Variants in FMNL2 observed in about 807,000 individuals in gnomAD.
FMNL2 encodes formin like 2.
Under a neutral mutation model 130.2 loss-of-function variants are expected in FMNL2, and 51 were observed. The observed-to-expected ratio is 0.39, with a 90% CI of 0.31 to 0.49. The LOEUF is 0.49. Among genes scored for constraint, FMNL2 ranks in the 20% least tolerant of loss-of-function variants. The pLI is 0.85. For missense variants in FMNL2, 977 were observed against 1,316.2 expected (o/e 0.74, Z 3.99); for synonymous variants, 465 against 467.1 (o/e 1.00, Z 0.06).
chr2:152,536,758 T>C (rs1694014357), intron 2 of FMNL2, among the ~76,000 whole-genome samples: 1 of 152,186 alleles, frequency 6.6e-6, no homozygotes, highest in Non-Finnish European at 1.5e-5. Context: ...CTGAGATTTC[T>C]ATTTTCAGAT....
In FMNL2 at chr2:152,595,549, CCT is replaced by C. The variant is rs745488002; in HGVS notation, c.877-11788_877-11787del. Among the ~76,000 whole-genome samples, 7 of 152,136 alleles carry C rather than the reference CCT, an allele frequency of 4.6e-5. 1 individual carries two copies. Among genetic ancestry groups the C allele is most frequent in the Admixed American group, 1.3e-4 (2 of 15,282 alleles). ...GGCCAGGCTGGTCTCGAACTCCTGA[CCT>C]CAAGTGATCTGCCTGCCTTGGCCTC... On this transcript the variant is annotated intron_variant, in intron 9 of 25. Coordinates refer to ENST00000288670, the MANE Select transcript of FMNL2 (RefSeq NM_052905.4).
At chr2:152,484,627 C>T (rs907832492) in intron 1 of FMNL2, among the ~76,000 whole-genome samples, 10 of 151,852 alleles carry the variant, frequency 6.6e-5, no homozygotes, top group African/African-American at 1.7e-4. Context: ...AAAAATTAGC[C>T]GAGCATGGTG....
At chr2:152,419,703 G>A (rs961577328) in intron 1 of FMNL2, among the ~76,000 whole-genome samples, 1 of 152,136 alleles carries the variant, frequency 6.6e-6, no homozygotes, top group Non-Finnish European at 1.5e-5. Flanking sequence ...GAATCCAAAT[G>A]TGGGCTTCAC....
intron 1 of FMNL2, among the ~76,000 whole-genome samples, chr2:152,358,387 C>T (rs1028575336): frequency 3.3e-5 from 5 of 152,126 alleles, no homozygotes; most frequent in African/African-American, 1.2e-4. Context: ...TGGTGGCTCA[C>T]ACCTGTAATC....
At chr2:152,589,975 A>G (rs866023895) in intron 9 of FMNL2, among the ~76,000 whole-genome samples, 1,397 of 40,220 alleles carry the variant, frequency 0.035, 51 homozygotes, top group African/African-American at 0.094. Context: ...ATATATATAT[A>G]TATATATATG....
chr2:152,557,421 G>C (rs150530414), intron 4 of FMNL2, among the ~76,000 whole-genome samples: 85 of 152,280 alleles, frequency 5.6e-4, no homozygotes, highest in African/African-American at 1.9e-3. Context: ...TTGCCTCTCT[G>C]AGGCGCTTGA....
rs138109208 is a variant in FMNL2, at chr2:152,648,266, A to G, written c.*361A>G. The G allele has an allele frequency of 3.7e-4, 71 of 194,442 alleles. No homozygotes were observed. In the East Asian group the frequency reaches 7.8e-3, roughly 21 times the overall value. The allele number at this position is 194,442 out of a possible 1,614,324, so 12.0% of individuals were successfully genotyped here. ...TTTCCTGATGTTGTAAATAACATCA[A>G]TGCATCTGCTGTGGGTCCTTTGCTG... On this transcript the variant is annotated 3_prime_UTR_variant, in exon 26 of 26. Transcript: ENST00000288670.
At position 152,619,692 on chromosome 2, in the gene FMNL2, C is replaced by T. The variant is rs373279722; in HGVS notation, c.1811C>T (p.Thr604Ile). 3.2e-5 allele frequency: 52 copies of T among 1,612,220 alleles called. No homozygotes were observed. Among genetic ancestry groups the T allele is most frequent in the East Asian group, 2.2e-4 (10 of 44,844 alleles). ...CCGCTGCCTGGAACATCTTCACCCACAGTGGTTTTCAACTCAGGATTAGCA... is the reference window on the plus strand; with the variant it reads ...CCGCTGCCTGGAACATCTTCACCCATAGTGGTTTTCAACTCAGGATTAGCA... ...APPLPGTSSP[T>I]VVFNSGLAAV... Residue 604 changes from threonine to isoleucine, a missense_variant, in exon 15 of 26, where the codon ACA (threonine) becomes ATA (isoleucine). Physicochemically the swap from Thr to Ile is moderately conservative, Grantham distance 89. This residue lies in a region of FMNL2 where 689 missense variants were observed against 995.9 expected (regional missense o/e 0.69). Coordinates refer to ENST00000288670, the MANE Select transcript of FMNL2 (RefSeq NM_052905.4).
rs965436608 is a variant in FMNL2 at position 152,407,488 on chromosome 2, A to C, written c.117+71768A>C. 2.0e-5 allele frequency among the ~76,000 whole-genome samples: 3 copies of C among 149,684 alleles called. No individual in the cohort carries two copies. In the South Asian group the frequency reaches 6.5e-4, roughly 33 times the overall value. ...CTTCATGCCTGCCCCTCCTGCTCACATTTCTCGGTTCACTGGAAAAGTCCC... is the reference window on the plus strand; with the variant it reads ...CTTCATGCCTGCCCCTCCTGCTCACCTTTCTCGGTTCACTGGAAAAGTCCC... On this transcript the variant is annotated intron_variant, in intron 1 of 25. Coordinates refer to ENST00000288670, the MANE Select transcript of FMNL2 (RefSeq NM_052905.4).
intron 1 of FMNL2, among the ~76,000 whole-genome samples, chr2:152,514,073 A>G (rs1415639192): frequency 6.6e-6 from 1 of 152,116 alleles, no homozygotes; most frequent in Non-Finnish European, 1.5e-5. Context: ...CATGTGCTGA[A>G]TTTGCAGCCA....
At chr2:152,437,473 C>A (rs767828036) in intron 1 of FMNL2, among the ~76,000 whole-genome samples, 1 of 152,130 alleles carries the variant, frequency 6.6e-6, no homozygotes, top group Non-Finnish European at 1.5e-5. Context: ...TAATGCACCC[C>A]CCCTGCGGTG....
intron 1 of FMNL2, among the ~76,000 whole-genome samples, chr2:152,339,379 G>A (rs1051963930): frequency 1.3e-5 from 2 of 152,176 alleles, no homozygotes; most frequent in South Asian, 4.1e-4. Context: ...AGGTGGTTCT[G>A]GGTGGATGTG....
intron 24 of FMNL2, 76 bp downstream of exon 24, chr2:152,640,132 G>A: frequency 7.6e-7 from 1 of 1,310,760 alleles, no homozygotes; most frequent in African/African-American, 1.5e-5. Context: ...CCATACAAAG[G>A]ACCAGCAAGC....
At chr2:152,403,897 C>G (rs1685841292) in intron 1 of FMNL2, among the ~76,000 whole-genome samples, 1 of 152,100 alleles carries the variant, frequency 6.6e-6, no homozygotes, top group African/African-American at 2.4e-5. Flanking sequence ...GTGAAACCCC[C>G]TCTCTACTAA....
At chr2:152,480,076 C>A (rs1690410321) in intron 1 of FMNL2, among the ~76,000 whole-genome samples, 1 of 152,110 alleles carries the variant, frequency 6.6e-6, no homozygotes, top group Non-Finnish European at 1.5e-5. Context: ...ATGTGAGTAT[C>A]ATGAGAAACT....
At chr2:152,645,129 T>C (rs1474580954) in intron 25 of FMNL2, among the ~76,000 whole-genome samples, 1 of 152,228 alleles carries the variant, frequency 6.6e-6, no homozygotes, top group African/African-American at 2.4e-5. Flanking sequence ...CCAGTGCTTA[T>C]TAACAGGCTA....
chr2:152,414,291 T>C (rs1278986366), intron 1 of FMNL2, among the ~76,000 whole-genome samples: 1 of 152,228 alleles, frequency 6.6e-6, no homozygotes, highest in Non-Finnish European at 1.5e-5. Flanking sequence ...TGTATATTGC[T>C]TTCCTTTGGA....
rs778696364 is a variant in FMNL2, at chr2:152,459,764, A to C, written c.118-62179A>C. 2.6e-5 allele frequency among the ~76,000 whole-genome samples: 4 copies of C among 152,232 alleles called. 1 individual carries two copies. The highest frequency in any genetic ancestry group is 1.3e-4 in the Admixed American group (2 of 15,284). On this transcript the variant is annotated intron_variant, in intron 1 of 25. Transcript: ENST00000288670. ...AATACACTAAAATCTATTGAGTTGC[A>C]TACTTTAAATGGGTGCTTTGTATGG...
intron 1 of FMNL2, among the ~76,000 whole-genome samples, chr2:152,394,247 C>T (rs957202876): frequency 1.3e-5 from 2 of 152,052 alleles, no homozygotes; most frequent in Non-Finnish European, 2.9e-5. Flanking sequence ...ATTTTAGCTT[C>T]GGAGACAATG....
Sources: allele counts gnomAD v4.1 joint callset (sites outside exome capture counted in the v4.1 genomes callset), GRCh38; gene constraint gnomAD v4.1.1; regional missense constraint gnomAD v4.1.1; transcripts MANE v1.5; gene names NCBI Gene and HGNC (gene_info 2026-07-23, HGNC 2026-07-21).